Variants in ALK observed in about 807,000 individuals in gnomAD.
ALK encodes the protein ALK tyrosine kinase receptor.
A neutral mutation model predicts 163.1 loss-of-function variants in ALK; 74 were observed. The observed-to-expected ratio is 0.45, with a 90% CI of 0.38 to 0.55. The LOEUF (loss-of-function observed/expected upper bound fraction) is 0.55, where lower values mean the gene tolerates loss of function less well. Ranked by LOEUF, ALK falls within the 20% of genes least tolerant of loss-of-function variation. ALK has a pLI of 0.00. For synonymous variants in ALK, 960 were observed against 843.2 expected, an observed-to-expected ratio of 1.14 and a Z score of -2.40; for missense variants, 2,063 against 2,105.3, an observed-to-expected ratio of 0.98 and a Z score of 0.39.
chr2:29,676,064 T>C (rs562042984), intron 3 of ALK, among the ~76,000 whole-genome samples: 2 of 152,160 alleles, frequency 1.3e-5, no homozygotes, highest in Non-Finnish European at 2.9e-5. Context: ...GTCTTATTAT[T>C]GATTTGTAAG....
chr2:29,838,994 T>A (rs1334377913), intron 1 of ALK, among the ~76,000 whole-genome samples: 1 of 152,186 alleles, frequency 6.6e-6, no homozygotes, highest in Non-Finnish European at 1.5e-5. Context: ...TATACTTTAA[T>A]GTTTTAAGTA....
intron 3 of ALK, among the ~76,000 whole-genome samples, chr2:29,579,772 T>G (rs6761212): frequency 0.85 from 128,811 of 152,028 alleles, 55,062 homozygotes; most frequent in Non-Finnish European, 0.92. Flanking sequence ...CTCAGCAAAA[T>G]ACTTCAGTCT....
At chr2:29,313,940 A>C (rs1250777659) in intron 8 of ALK, among the ~76,000 whole-genome samples, 2 of 152,128 alleles carry the variant, frequency 1.3e-5, no homozygotes, top group African/African-American at 2.4e-5. Context: ...AAACTTTAAA[A>C]ACACAGCAGT....
At chr2:29,253,968 G>A (rs865972211) in intron 11 of ALK, among the ~76,000 whole-genome samples, 6 of 152,134 alleles carry the variant, frequency 3.9e-5, no homozygotes, top group African/African-American at 7.2e-5. Flanking sequence ...ATTCCCATGT[G>A]TCATGGGAGG....
chr2:29,545,240 G>C (rs538918028), intron 3 of ALK, among the ~76,000 whole-genome samples: 2 of 152,302 alleles, frequency 1.3e-5, no homozygotes, highest in Non-Finnish European at 2.9e-5. Context: ...ACAGGGCTTA[G>C]ATGGCCTCAC....
intron 11 of ALK, among the ~76,000 whole-genome samples, chr2:29,255,725 T>G (rs992166577): frequency 1.3e-5 from 2 of 152,122 alleles, no homozygotes; most frequent in African/African-American, 4.8e-5. Context: ...CACCTTGTCT[T>G]TTTCAGAACC....
intron 28 of ALK, among the ~76,000 whole-genome samples, chr2:29,195,255 T>G (rs998581599): frequency 1.3e-5 from 2 of 152,280 alleles, no homozygotes; most frequent in African/African-American, 2.4e-5. Context: ...CCATTCAGAT[T>G]ACAACAAAAT....
At chr2:29,276,870 T>A (rs1399896583) in intron 9 of ALK, among the ~76,000 whole-genome samples, 1 of 152,100 alleles carries the variant, frequency 6.6e-6, no homozygotes, top group Non-Finnish European at 1.5e-5. Flanking sequence ...CCTAGGCTTT[T>A]TTTGGGGTGA....
intron 11 of ALK, among the ~76,000 whole-genome samples, chr2:29,262,879 C>T (rs150660994): frequency 1.3e-4 from 20 of 152,228 alleles, no homozygotes; most frequent in African/African-American, 4.6e-4. Flanking sequence ...GCAGCCACCC[C>T]CTGCTCCCCA....
At chr2:29,240,414 TG>T (rs1340695736) in intron 12 of ALK, among the ~76,000 whole-genome samples, 6 of 152,164 alleles carry the variant, frequency 3.9e-5, no homozygotes, top group African/African-American at 1.4e-4. Context: ...GTGGCTGACA[TG>T]TAATAAGCAC....
chr2:29,769,421 C>T (rs532977943), intron 1 of ALK, among the ~76,000 whole-genome samples: 1 of 152,222 alleles, frequency 6.6e-6, no homozygotes, highest in East Asian at 1.9e-4. Flanking sequence ...CTTTCTTTAG[C>T]CACCAAGATG....
At chr2:29,673,324 G>A (rs1417333200) in intron 3 of ALK, among the ~76,000 whole-genome samples, 2 of 119,520 alleles carry the variant, frequency 1.7e-5, no homozygotes, top group Admixed American at 8.5e-5. Flanking sequence ...TAACGTTTAA[G>A]TCTTTAATCC....
intron 1 of ALK, among the ~76,000 whole-genome samples, chr2:29,835,665 T>C (rs1440243043): frequency 2.0e-5 from 3 of 152,198 alleles, no homozygotes; most frequent in African/African-American, 7.2e-5. Context: ...ATAATTCCCA[T>C]GAGTTATGGG....
intron 11 of ALK, among the ~76,000 whole-genome samples, chr2:29,262,364 T>C (rs1665109738): frequency 6.6e-6 from 1 of 152,216 alleles, no homozygotes; most frequent in Non-Finnish European, 1.5e-5. Flanking sequence ...ATGTGTGTGC[T>C]TATACACATA....
intron 5 of ALK, among the ~76,000 whole-genome samples, chr2:29,362,570 G>A (rs1668411144): frequency 6.6e-6 from 1 of 152,226 alleles, no homozygotes; most frequent in African/African-American, 2.4e-5. Context: ...ATGGATCCCA[G>A]GAGATGAGTA....
chr2:29,267,919 TTC>T (rs1377823270), intron 11 of ALK, among the ~76,000 whole-genome samples: 1 of 152,200 alleles, frequency 6.6e-6, no homozygotes, highest in African/African-American at 2.4e-5. Flanking sequence ...GGCCTTTGTG[TTC>T]TGTTAGTCTT....
intron 1 of ALK, among the ~76,000 whole-genome samples, chr2:29,849,556 T>C (rs902697818): frequency 2.0e-5 from 3 of 152,208 alleles, no homozygotes; most frequent in Non-Finnish European, 4.4e-5. Context: ...TGGCACCTCA[T>C]AGATTAACAG....
At chr2:29,810,280 A>G (rs1186495642) in intron 1 of ALK, among the ~76,000 whole-genome samples, 1 of 151,816 alleles carries the variant, frequency 6.6e-6, no homozygotes, top group Non-Finnish European at 1.5e-5. Flanking sequence ...AAATCAGCCG[A>G]GTGTGGTGGT....
In ALK at chr2:29,227,825, G is replaced by A. The variant is rs1357384085; in HGVS notation, c.2816-153C>T. Among the ~76,000 whole-genome samples, 6 of 152,128 alleles carry A rather than the reference G, an allele frequency of 3.9e-5. No homozygotes were observed. Among genetic ancestry groups the A allele is most frequent in the Non-Finnish European group, 5.9e-5 (4 of 68,022 alleles). ...ATGCGGGGAGGGAAGGGAGGCTCAGGGCACAGAGGCTGCATGTGGGATTTG... is the reference window on the plus strand; with the variant it reads ...ATGCGGGGAGGGAAGGGAGGCTCAGAGCACAGAGGCTGCATGTGGGATTTG... On this transcript the variant is annotated intron_variant, in intron 16 of 28. Transcript: ENST00000389048. The surrounding 1 kb of genome is among the most constrained non-coding windows in gnomAD (Gnocchi z 4.4).
Sources: gnomAD v4.1 joint callset for allele counts (sites outside exome capture counted in the v4.1 genomes callset) on GRCh38, gnomAD v4.1.1 for gene constraint, Gnocchi (gnomAD v3.1) non-coding constraint, MANE v1.5 for transcripts, NCBI Gene and HGNC (gene_info 2026-07-23, HGNC 2026-07-21) for gene names.